The following LSM14A variants were observed in gnomAD, a reference collection of about 807,000 sequenced individuals.
LSM14A encodes LSM14A mRNA processing body assembly factor, also known as protein LSM14 homolog A.
A neutral mutation model predicts 52.4 loss-of-function variants in LSM14A; 14 were observed. That is an observed-to-expected ratio of 0.27 (90% CI 0.18 to 0.42). LSM14A has a LOEUF of 0.42. LSM14A is among the 10% of genes least tolerant of loss of function. The pLI is 1.00. For missense variants in LSM14A, 417 were observed against 581.8 expected, an observed-to-expected ratio of 0.72 and a Z score of 2.91; for synonymous variants, 185 against 200.3, an observed-to-expected ratio of 0.92 and a Z score of 0.64.
chr19:34,216,738 G>A (rs185354445), intron 6 of LSM14A, among the ~76,000 whole-genome samples: 200 of 152,234 alleles, frequency 1.3e-3, no homozygotes, highest in African/African-American at 4.4e-3. Flanking sequence ...GATTATAGGC[G>A]TGAGCCACCG....
chr19:34,200,953 A>G (rs1268200535), intron 3 of LSM14A, among the ~76,000 whole-genome samples: 2 of 152,096 alleles, frequency 1.3e-5, no homozygotes, highest in Non-Finnish European at 1.5e-5. Context: ...TATGTAACTA[A>G]TTATGTTAAA....
At chr19:34,219,367 T>C in intron 6 of LSM14A, 24 bp from the exon 7 acceptor site, 1 of 1,556,422 alleles carries the variant, frequency 6.4e-7, no homozygotes. Context: ...GAATGTCCTT[T>C]GTATATATTC....
At chr19:34,210,646 A>G (rs1221811963) in intron 4 of LSM14A, among the ~76,000 whole-genome samples, 1 of 151,944 alleles carries the variant, frequency 6.6e-6, no homozygotes, top group African/African-American at 2.4e-5. Context: ...TGTCTCCCAG[A>G]CTGGAATGCA....
At chr19:34,197,852 C>T (rs554998858) in intron 3 of LSM14A, among the ~76,000 whole-genome samples, 23 of 152,120 alleles carry the variant, frequency 1.5e-4, no homozygotes, top group African/African-American at 2.2e-4. Context: ...GGATTTGAAA[C>T]GAAACTATAA....
Position 34,219,845 on chromosome 19 carries a change from C to T in LSM14A, c.1104C>T (p.Ser368=), listed in dbSNP as rs2145870961. ...GPNCYYDKTK[S]FFDNISCDDN... is the part of the protein sequence containing the mutation. ...ATTGCTATTATGACAAAACTAAATC[C>T]TTCTTTGATAATATTTCTTGTGATG... The change falls in exon 8 of 10, where the codon TCC becomes TCT. Residue 368 remains serine (S), a synonymous_variant. Transcript: ENST00000544216. 6.2e-7 allele frequency: 1 copy of T among 1,611,896 alleles called. No homozygotes were observed. The highest frequency in any genetic ancestry group is 1.3e-5 in the African/African-American group (1 of 74,988).
At chr19:34,185,451 G>A (rs756960982) in intron 1 of LSM14A, among the ~76,000 whole-genome samples, 1 of 152,232 alleles carries the variant, frequency 6.6e-6, no homozygotes, top group Non-Finnish European at 1.5e-5. Context: ...TAAGGGTGAA[G>A]AAGGGGCCAG....
rs1273663949 is a variant in LSM14A, at chr19:34,227,915, G to A, written c.*527G>A. The A allele has an allele frequency of 1.3e-5, 2 of 152,402 alleles. No homozygotes were observed. The highest frequency in any genetic ancestry group is 1.3e-4 in the Admixed American group (2 of 15,194). The allele number at this position is 152,402 out of a possible 1,614,324, so 9.4% of individuals were successfully genotyped here. A position where few individuals can be genotyped will look rare whatever the true frequency, so the allele number is the denominator to read the frequency against. On this transcript the variant is annotated 3_prime_UTR_variant, in exon 10 of 10. Coordinates refer to ENST00000544216, the MANE Select transcript of LSM14A (RefSeq NM_015578.4). ...CGTCAATTAATTAGGGTGCTGGATG[G>A]TAGAGAATTTTGTCAGTCAACTATG...
intron 9 of LSM14A, 150 bp from the exon 10 acceptor site, chr19:34,227,215 T>G: frequency 1.6e-6 from 1 of 641,594 alleles, no homozygotes; most frequent in Non-Finnish European, 2.8e-6. Context: ...ATAGAAGGAG[T>G]TTCGTGGAAA....
chr19:34,205,085 T>C (rs2071583391), intron 3 of LSM14A, among the ~76,000 whole-genome samples: 1 of 152,042 alleles, frequency 6.6e-6, no homozygotes, highest in Non-Finnish European at 1.5e-5. Flanking sequence ...TGAGCCAAGA[T>C]GACGTCACTA....
chr19:34,211,698 A>C (rs1056560885), intron 4 of LSM14A, among the ~76,000 whole-genome samples: 1 of 151,760 alleles, frequency 6.6e-6, no homozygotes, highest in African/African-American at 2.4e-5. Context: ...CTGAGACAGG[A>C]GGATCACTTG....
At chr19:34,221,334 G>A (rs1229151742) in intron 8 of LSM14A, 173 bp from the exon 9 acceptor site, 3 of 686,780 alleles carry the variant, frequency 4.4e-6, no homozygotes, top group Non-Finnish European at 7.1e-6. Flanking sequence ...CCGCCCCCTC[G>A]GCCTCCCAAA....
chr19:34,211,786 T>TC (rs199940358), intron 4 of LSM14A, among the ~76,000 whole-genome samples: 49 of 144,830 alleles, frequency 3.4e-4, no homozygotes, highest in East Asian at 6.1e-4. Context: ...CAAGACCCTG[T>TC]CCCCCCCCAA....
At chr19:34,204,717 C>T (rs1240984985) in intron 3 of LSM14A, among the ~76,000 whole-genome samples, 1 of 151,992 alleles carries the variant, frequency 6.6e-6, no homozygotes, top group East Asian at 1.9e-4. Context: ...GACCTTTTCT[C>T]TAAAAAGAAA....
intron 1 of LSM14A, among the ~76,000 whole-genome samples, chr19:34,191,007 CA>C (rs935618895): frequency 2.6e-4 from 39 of 151,950 alleles, no homozygotes; most frequent in African/African-American, 9.2e-4. Flanking sequence ...TTGTCTATCT[CA>C]GGGGCAGCAG....
At chr19:34,192,198 A>C (rs750130414) in intron 1 of LSM14A, among the ~76,000 whole-genome samples, 1 of 151,950 alleles carries the variant, frequency 6.6e-6, no homozygotes, top group African/African-American at 2.4e-5. Context: ...AGTTTTAGGG[A>C]AGGATCTTCT....
chr19:34,215,101 G>T, intron 4 of LSM14A, 23 bp from the exon 5 acceptor site: 1 of 1,584,030 alleles, frequency 6.3e-7, no homozygotes, highest in South Asian at 1.2e-5. Flanking sequence ...AGGGTAGTTT[G>T]TTATCTTTTG....
chr19:34,182,352 T>G (rs2069543553), intron 1 of LSM14A, among the ~76,000 whole-genome samples: 1 of 152,204 alleles, frequency 6.6e-6, no homozygotes, highest in Admixed American at 6.5e-5. Context: ...CTGCTTTTTG[T>G]TCTTCTAATA....
intron 1 of LSM14A, among the ~76,000 whole-genome samples, chr19:34,181,078 A>G (rs1046306169): frequency 1.3e-5 from 2 of 152,072 alleles, no homozygotes; most frequent in African/African-American, 4.8e-5. Flanking sequence ...TGTTCCCCAG[A>G]CTTCTATGTT....
intron 1 of LSM14A, among the ~76,000 whole-genome samples, chr19:34,181,366 C>G (rs1438933348): frequency 2.0e-5 from 3 of 152,180 alleles, no homozygotes; most frequent in African/African-American, 7.2e-5. Flanking sequence ...TAGCGAAACC[C>G]CTTGAAGAAG....
Sources: allele counts gnomAD v4.1 joint callset (sites outside exome capture counted in the v4.1 genomes callset), GRCh38; gene constraint gnomAD v4.1.1; transcripts MANE v1.5; gene names NCBI Gene and HGNC (gene_info 2026-07-23, HGNC 2026-07-21).